LRP1B: variants seen among roughly 807,000 people sequenced by gnomAD.
LRP1B encodes the protein LDL receptor related protein 1B.
LRP1B carries 217 observed loss-of-function variants against 556.6 expected under a neutral mutation model. That is an observed-to-expected ratio of 0.39 (90% CI 0.35 to 0.44). The LOEUF (loss-of-function observed/expected upper bound fraction) is 0.44. LRP1B is among the 20% of genes least tolerant of loss of function. LRP1B has a pLI of 1.00. For missense variants in LRP1B, 5,053 were observed against 5,620.8 expected (o/e 0.90, Z 3.23); for synonymous variants, 2,047 against 1,865.8 (o/e 1.10, Z -2.50).
chr2:141,947,701 A>C (rs1700991480), intron 1 of LRP1B, among the ~76,000 whole-genome samples: 2 of 152,074 alleles, frequency 1.3e-5, no homozygotes, highest in Non-Finnish European at 2.9e-5. Context: ...TTCAGTGAAA[A>C]TAGAGCAACA....
chr2:140,790,711 G>A (rs1023047936), intron 32 of LRP1B, among the ~76,000 whole-genome samples: 1 of 152,116 alleles, frequency 6.6e-6, no homozygotes, highest in African/African-American at 2.4e-5. Flanking sequence ...ATGTAGCCTT[G>A]GTTTCCTCTT....
chr2:140,540,907 A>G, intron 45 of LRP1B, 66 bp downstream of exon 45: 2 of 1,515,646 alleles, frequency 1.3e-6, no homozygotes, highest in Non-Finnish European at 1.8e-6. Flanking sequence ...CACTAACACA[A>G]TTTCAGTGAT....
chr2:140,959,175 T>G (rs1007977950), intron 18 of LRP1B, among the ~76,000 whole-genome samples: 9 of 151,570 alleles, frequency 5.9e-5, no homozygotes, highest in Admixed American at 2.6e-4. Flanking sequence ...TACATAAAGT[T>G]TTATGCAACT....
At position 141,615,015 on chromosome 2, in the gene LRP1B, G is replaced by C. The variant is rs538749197; in HGVS notation, c.206-134482C>G. 8.5e-4 allele frequency among the ~76,000 whole-genome samples: 129 copies of C among 152,286 alleles called. 2 individuals carry two copies. Among genetic ancestry groups the C allele is most frequent in the African/African-American group, 3.0e-3 (123 of 41,572 alleles). On this transcript the variant is annotated intron_variant, in intron 2 of 90. Coordinates refer to ENST00000389484, the MANE Select transcript of LRP1B (RefSeq NM_018557.3). ...TCATTTAATAGGAAGAGCCTAGATTGCTTTGAAAAGACTGTTGATAGAAAC... is the reference window on the plus strand; with the variant it reads ...TCATTTAATAGGAAGAGCCTAGATTCCTTTGAAAAGACTGTTGATAGAAAC...
At chr2:140,443,459 C>A (rs1686517580) in intron 65 of LRP1B, among the ~76,000 whole-genome samples, 1 of 152,134 alleles carries the variant, frequency 6.6e-6, no homozygotes, top group African/African-American at 2.4e-5. Context: ...AATGGCTAAC[C>A]ATAAAGAACT....
chr2:142,063,031 C>A (rs1704979492), intron 1 of LRP1B, among the ~76,000 whole-genome samples: 2 of 131,606 alleles, frequency 1.5e-5, no homozygotes, highest in South Asian at 2.4e-4. Flanking sequence ...TTAGCTCTAT[C>A]TAAAAGATGG....
intron 32 of LRP1B, among the ~76,000 whole-genome samples, chr2:140,791,481 T>C (rs184758375): frequency 1.1e-4 from 17 of 152,172 alleles, no homozygotes; most frequent in South Asian, 4.2e-4. Flanking sequence ...GATTGGACTT[T>C]CCGGCATTCT....
In LRP1B at chr2:140,693,349, ACT is replaced by A. The variant is rs144333021; in HGVS notation, c.6799+6899_6799+6900del. The stretch of plus-strand genomic sequence containing the variant: ...TGTTTGTTTTTAGAAACAGGGTCTC[ACT>A]CTGTCACCCAGGCTAGAGTGCAGTG... On this transcript the variant is annotated intron_variant, in intron 41 of 90. Coordinates refer to ENST00000389484, the MANE Select transcript of LRP1B (RefSeq NM_018557.3). 6.3e-3 allele frequency among the ~76,000 whole-genome samples: 956 copies of A among 152,120 alleles called. 6 individuals carry two copies. Among genetic ancestry groups the A allele is most frequent in the African/African-American group, 0.022 (911 of 41,496 alleles).
chr2:140,973,052 T>TATATA (rs1696481170), intron 18 of LRP1B, among the ~76,000 whole-genome samples: 1 of 138,578 alleles, frequency 7.2e-6, no homozygotes, highest in Non-Finnish European at 1.5e-5. Context: ...ATATTTCATT[T>TATATA]TATATATATA....
intron 35 of LRP1B, among the ~76,000 whole-genome samples, chr2:140,743,205 A>G (rs1169224834): frequency 1.3e-5 from 2 of 152,196 alleles, no homozygotes; most frequent in African/African-American, 4.8e-5. Flanking sequence ...GTTTCACTAT[A>G]TTAAATATAA....
chr2:140,976,247 T>TTCTCCTCTCCTGTCCTGTCCTTTCC (rs1696592763), intron 18 of LRP1B, among the ~76,000 whole-genome samples: 1 of 151,846 alleles, frequency 6.6e-6, no homozygotes, highest in Non-Finnish European at 1.5e-5. Context: ...TTCTTCTCTC[T>TTCTCCTCTCCTGTCCTGTCCTTTCC]TCTCCTCTCC....
At chr2:142,058,320 G>T (rs1479278247) in intron 1 of LRP1B, among the ~76,000 whole-genome samples, 1 of 152,006 alleles carries the variant, frequency 6.6e-6, no homozygotes, top group Non-Finnish European at 1.5e-5. Context: ...GAGTCTCACT[G>T]CCTCTACACT....
At chr2:140,791,597 A>T (rs1690122201) in intron 32 of LRP1B, among the ~76,000 whole-genome samples, 1 of 152,224 alleles carries the variant, frequency 6.6e-6, no homozygotes, top group Non-Finnish European at 1.5e-5. Flanking sequence ...ATACCTCTTT[A>T]AATTCAACCA....
chr2:141,827,915 C>T (rs1043667281), intron 1 of LRP1B, among the ~76,000 whole-genome samples: 2 of 152,012 alleles, frequency 1.3e-5, no homozygotes, highest in Non-Finnish European at 2.9e-5. Flanking sequence ...ATACCCTTCT[C>T]ATATGACTAA....
chr2:141,123,181 C>T (rs113636374), intron 7 of LRP1B, among the ~76,000 whole-genome samples: 7,858 of 149,914 alleles, frequency 0.052, 361 homozygotes, highest in African/African-American at 0.12. Context: ...ACATGGCATA[C>T]GTATACATAT....
intron 2 of LRP1B, among the ~76,000 whole-genome samples, chr2:141,582,575 G>T (rs1686986364): frequency 6.6e-6 from 1 of 151,812 alleles, no homozygotes; most frequent in Non-Finnish European, 1.5e-5. Context: ...TATTTGTGTG[G>T]CTCTGAAATC....
At chr2:140,407,377 A>G (rs1684786763) in intron 66 of LRP1B, among the ~76,000 whole-genome samples, 1 of 151,932 alleles carries the variant, frequency 6.6e-6, no homozygotes. Context: ...CAAAATAAAT[A>G]ATCGGTAAAC....
chr2:142,025,017 G>A (rs1032197732), intron 1 of LRP1B, among the ~76,000 whole-genome samples: 5 of 152,062 alleles, frequency 3.3e-5, no homozygotes, highest in African/African-American at 1.2e-4. Flanking sequence ...AGGTATGTGT[G>A]GGAAAGAAAA....
rs2105425635 is a variant in LRP1B at position 140,701,714 on chromosome 2, T to G, written c.6427+7A>C. On this transcript the variant is annotated splice_region_variant and intron_variant, in intron 40 of 90. Transcript: ENST00000389484. ...TACATATTATGTATTCTTTCAAGAGTGCTGACCTTTCTCTCTTACTCGGTT... is the reference window on the plus strand; with the variant it reads ...TACATATTATGTATTCTTTCAAGAGGGCTGACCTTTCTCTCTTACTCGGTT... 2 of 1,611,082 alleles carry G rather than the reference T, an allele frequency of 1.2e-6. No homozygotes were observed. The highest frequency in any genetic ancestry group is 1.7e-6 in the Non-Finnish European group (2 of 1,178,288).
Sources: gnomAD v4.1 joint callset for allele counts (sites outside exome capture counted in the v4.1 genomes callset) on GRCh38, gnomAD v4.1.1 for gene constraint, MANE v1.5 for transcripts, NCBI Gene and HGNC (gene_info 2026-07-23, HGNC 2026-07-21) for gene names.